ADAMTSL1: variants seen among roughly 807,000 people sequenced by gnomAD.
The protein encoded by ADAMTSL1 is ADAMTS like 1, also known as ADAMTS-like protein 1.
A neutral mutation model predicts 201.8 loss-of-function variants in ADAMTSL1; 126 were observed. That is an observed-to-expected ratio of 0.62 (90% CI 0.54 to 0.72). The LOEUF is 0.72. ADAMTSL1 is among the 30% of genes least tolerant of loss of function. ADAMTSL1 has a pLI of 0.00. For missense variants in ADAMTSL1, 2,679 were observed against 2,277.8 expected, an observed-to-expected ratio of 1.18 and a Z score of -3.59; for synonymous variants, 1,121 against 903.4, an observed-to-expected ratio of 1.24 and a Z score of -4.32.
intron 2 of ADAMTSL1, among the ~76,000 whole-genome samples, chr9:18,423,679 T>C (rs1819065909): frequency 6.6e-6 from 1 of 152,126 alleles, no homozygotes; most frequent in Non-Finnish European, 1.5e-5. Flanking sequence ...AGGAGCACGC[T>C]TTTGGAGGTC....
intron 20 of ADAMTSL1, among the ~76,000 whole-genome samples, chr9:18,797,355 C>T (rs576196356): frequency 6.6e-6 from 1 of 152,350 alleles, no homozygotes; most frequent in Non-Finnish European, 1.5e-5. Context: ...ACACCTGTGC[C>T]AATGTCTACA....
At chr9:18,209,668 CT>C (rs1340709965) in intron 2 of ADAMTSL1, among the ~76,000 whole-genome samples, 2 of 152,142 alleles carry the variant, frequency 1.3e-5, no homozygotes, top group African/African-American at 4.8e-5. Flanking sequence ...TGCTGATTTA[CT>C]TTTTCTGATT....
intron 1 of ADAMTSL1, among the ~76,000 whole-genome samples, chr9:18,038,655 C>T (rs1821307362): frequency 6.6e-6 from 1 of 152,156 alleles, no homozygotes; most frequent in African/African-American, 2.4e-5. Context: ...GGAGGGTGTG[C>T]TGGCTTGGAT....
chr9:18,697,122 T>C (rs1831608858), intron 13 of ADAMTSL1, among the ~76,000 whole-genome samples: 1 of 152,086 alleles, frequency 6.6e-6, no homozygotes, highest in South Asian at 2.1e-4. Context: ...GACCTCGTGA[T>C]CTGCCCACCT....
chr9:18,267,948 T>C (rs904113372), intron 2 of ADAMTSL1, among the ~76,000 whole-genome samples: 1 of 152,084 alleles, frequency 6.6e-6, no homozygotes, highest in Non-Finnish European at 1.5e-5. Flanking sequence ...TTTCTCATAA[T>C]CTCAGAATTT....
chr9:17,959,888 C>A (rs1817666902), intron 1 of ADAMTSL1, among the ~76,000 whole-genome samples: 1 of 152,136 alleles, frequency 6.6e-6, no homozygotes, highest in South Asian at 2.1e-4. Flanking sequence ...GTTTTATGAC[C>A]TTCCAACAAT....
In ADAMTSL1 at chr9:18,009,845, C is replaced by T. The variant is rs1819979207; in HGVS notation, c.87+102923C>T. ...AAGCAATTCTGCTTGTTCTTAGGATCCAGGCTTGCAGATATAGGTACTCAG... is the reference window on the plus strand; with the variant it reads ...AAGCAATTCTGCTTGTTCTTAGGATTCAGGCTTGCAGATATAGGTACTCAG... On this transcript the variant is annotated intron_variant, in intron 1 of 29. Transcript: ENST00000680146. 3.9e-5 allele frequency among the ~76,000 whole-genome samples: 6 copies of T among 151,968 alleles called. No homozygotes were observed. In the South Asian group the frequency reaches 1.2e-3, roughly 32 times the overall value.
intron 2 of ADAMTSL1, among the ~76,000 whole-genome samples, chr9:18,389,385 T>C (rs1304389485): frequency 6.6e-6 from 1 of 152,210 alleles, no homozygotes; most frequent in Non-Finnish European, 1.5e-5. Context: ...AAATTTGCAC[T>C]GATAATCAAG....
intron 1 of ADAMTSL1, among the ~76,000 whole-genome samples, chr9:18,034,126 T>G (rs1165902444): frequency 6.6e-6 from 1 of 152,204 alleles, no homozygotes; most frequent in African/African-American, 2.4e-5. Context: ...TACTTTTCTC[T>G]TTCCCACCTT....
intron 13 of ADAMTSL1, among the ~76,000 whole-genome samples, chr9:18,687,421 C>G (rs1348062286): frequency 6.6e-6 from 1 of 152,218 alleles, no homozygotes; most frequent in Non-Finnish European, 1.5e-5. Context: ...GAGACTCACA[C>G]TGCTTAAATT....
intron 2 of ADAMTSL1, among the ~76,000 whole-genome samples, chr9:18,371,405 T>C (rs1413231970): frequency 6.6e-6 from 1 of 152,232 alleles, no homozygotes; most frequent in East Asian, 1.9e-4. Flanking sequence ...GCAAGCTGCA[T>C]ATATTGCCAA....
intron 2 of ADAMTSL1, among the ~76,000 whole-genome samples, chr9:18,206,419 A>T (rs1365106251): frequency 6.6e-6 from 1 of 151,464 alleles, no homozygotes; most frequent in African/African-American, 2.4e-5. Flanking sequence ...AATTTCCTTC[A>T]CTCCTTTCTC....
chr9:18,080,898 T>G (rs1823472098), intron 1 of ADAMTSL1, among the ~76,000 whole-genome samples: 1 of 152,238 alleles, frequency 6.6e-6, no homozygotes, highest in Non-Finnish European at 1.5e-5. Flanking sequence ...TATTTTAATG[T>G]TAGTCCCAAA....
chr9:18,110,204 A>C (rs889538678), intron 1 of ADAMTSL1, among the ~76,000 whole-genome samples: 2 of 152,126 alleles, frequency 1.3e-5, no homozygotes, highest in African/African-American at 4.8e-5. Context: ...TTGTGCAGCC[A>C]TTGGTTGGTC....
intron 1 of ADAMTSL1, among the ~76,000 whole-genome samples, chr9:18,017,761 G>GTT (rs919435125): frequency 4.0e-5 from 6 of 151,836 alleles, no homozygotes; most frequent in Admixed American, 3.9e-4. Flanking sequence ...TTCCACCCTA[G>GTT]TTTATGTGGT....
chr9:18,491,413 A>G (rs1376605028), intron 1 of ADAMTSL1, among the ~76,000 whole-genome samples: 1 of 152,164 alleles, frequency 6.6e-6, no homozygotes, highest in Non-Finnish European at 1.5e-5. Context: ...AGGAAAAAGA[A>G]CTCTTCTTGC....
chr9:17,934,292 T>G (rs1826914657), intron 1 of ADAMTSL1, among the ~76,000 whole-genome samples: 1 of 152,188 alleles, frequency 6.6e-6, no homozygotes, highest in Non-Finnish European at 1.5e-5. Flanking sequence ...TGTCTTTAAA[T>G]TCACTTCCTC....
At position 18,113,643 on chromosome 9, in the gene ADAMTSL1, T is replaced by C. The variant is rs549312060; in HGVS notation, c.88-50219T>C. Among the ~76,000 whole-genome samples, 8 of 152,254 alleles carry C rather than the reference T, an allele frequency of 5.3e-5. No individual in the cohort carries two copies. In the South Asian group the frequency reaches 1.7e-3, roughly 32 times the overall value. ...ACTGGAATGTGGATCCAGAAAGTCT[T>C]CAGCACGTGAGTGATTTTGTTGACA... On this transcript the variant is annotated intron_variant, in intron 1 of 29. Transcript: ENST00000680146.
At chr9:18,535,187 A>T (rs1819685521) in intron 3 of ADAMTSL1, among the ~76,000 whole-genome samples, 1 of 152,078 alleles carries the variant, frequency 6.6e-6, no homozygotes, top group Non-Finnish European at 1.5e-5. Context: ...AGATACCCTA[A>T]ATCATCTCTC....
Sources: allele counts gnomAD v4.1 joint callset (sites outside exome capture counted in the v4.1 genomes callset), GRCh38; gene constraint gnomAD v4.1.1; transcripts MANE v1.5; gene names NCBI Gene and HGNC (gene_info 2026-07-23, HGNC 2026-07-21).